BNIP5: variants seen among roughly 807,000 people sequenced by gnomAD.
BNIP5 encodes BCL2 interacting protein 5, also known as protein BNIP5.
BNIP5 carries 61 observed loss-of-function variants against 67.3 expected under a neutral mutation model. The ratio of observed to expected loss-of-function variants is 0.91; its 90% confidence interval spans 0.74 to 1.12. The LOEUF (loss-of-function observed/expected upper bound fraction) is 1.12, where lower values mean the gene tolerates loss of function less well. BNIP5 is among the 50% of genes most tolerant of loss of function. The pLI is 0.00. For missense variants in BNIP5, 826 were observed against 816.3 expected (o/e 1.01, Z -0.14); for synonymous variants, 317 against 319.0 (o/e 0.99, Z 0.07).
chr6:36,331,797 T>G (rs1257320485), intron 1 of BNIP5, among the ~76,000 whole-genome samples: 3 of 152,198 alleles, frequency 2.0e-5, no homozygotes, highest in Admixed American at 6.5e-5. Context: ...CTCAAAGTGC[T>G]GGGATTACAG....
chr6:36,325,253 G>C, intron 6 of BNIP5, 30 bp downstream of exon 6: 2 of 1,612,014 alleles, frequency 1.2e-6, no homozygotes, highest in South Asian at 2.2e-5. Context: ...TTTTGCAAGG[G>C]GTGTCTGAGA....
At chr6:36,329,884 G>A (rs763945867) in intron 2 of BNIP5, among the ~76,000 whole-genome samples, 197 bp downstream of exon 2, 1 of 149,156 alleles carries the variant, frequency 6.7e-6, no homozygotes, top group Admixed American at 6.6e-5. Flanking sequence ...AAAGAAGAAG[G>A]AGGAGGAGGA....
At chr6:36,334,402 C>G (rs559666718) in intron 1 of BNIP5, among the ~76,000 whole-genome samples, 1 of 152,306 alleles carries the variant, frequency 6.6e-6, no homozygotes, top group Admixed American at 6.5e-5. Context: ...GTGGCCTCTT[C>G]CCATGTCTTG....
At chr6:36,318,484 G>C (rs549945360) in intron 11 of BNIP5, among the ~76,000 whole-genome samples, 233 of 151,820 alleles carry the variant, frequency 1.5e-3, no homozygotes, top group Non-Finnish European at 2.8e-3. Flanking sequence ...AAGGTGGGAA[G>C]ATTTCTTGTG....
At position 36,323,633 on chromosome 6, in the gene BNIP5, C is replaced by T. The variant is rs555168211; in HGVS notation, c.1231-100G>A. On this transcript the variant is annotated intron_variant, in intron 7 of 11. Coordinates refer to ENST00000437635, the MANE Select transcript of BNIP5 (RefSeq NM_001010903.5). ...GCCACGGTGGGCTAGCAGGCGTTGC[C>T]CAGAGAAGAGTGGTTGATGCTCAGT... is the stretch of plus-strand genomic sequence containing the variant. 21 of 1,380,966 alleles carry T rather than the reference C, an allele frequency of 1.5e-5. No homozygotes were observed. In the East Asian group the frequency reaches 4.8e-4, roughly 32 times the overall value. 85.5% of individuals were successfully genotyped at this position (1,380,966 alleles called of 1,614,324 possible). A position where few individuals can be genotyped will look rare whatever the true frequency, so the allele number is the denominator to read the frequency against.
Position 36,321,158 on chromosome 6 carries a change from C to T in BNIP5, c.1665G>A (p.Gln555=). The T allele has an allele frequency of 1.9e-6, 3 of 1,585,818 alleles. No homozygotes were observed. Among genetic ancestry groups the T allele is most frequent in the Non-Finnish European group, 2.6e-6 (3 of 1,165,032 alleles). The change falls in exon 10 of 12, where the codon CAG becomes CAA. Residue 555 remains glutamine (Q), a synonymous_variant. Transcript: ENST00000437635. ...LLQEVDGQLG[Q]QIRRHPSFKR... ...GGGAGGGCTGAGTGGTACTCACCTG[C>T]TGCCCCAGTTGGCCATCCACTTCTT...
Position 36,324,141 on chromosome 6 carries a change from C to A in BNIP5, c.1218G>T (p.Gln406His), listed in dbSNP as rs1389045544. The change falls in exon 7 of 12, where the codon CAG becomes CAT. Residue 406 changes from glutamine (Q) to histidine (H), a missense_variant. Gln to His is a conservative substitution (Grantham distance 24). Coordinates refer to ENST00000437635, the MANE Select transcript of BNIP5 (RefSeq NM_001010903.5). Reference sequence around the variant, plus strand: ...GCGTCTTCCTCACCTCCTCTCCTTGCTGTTCTTCTGCATCTTGGAGCATGG... The same window carrying A: ...GCGTCTTCCTCACCTCCTCTCCTTGATGTTCTTCTGCATCTTGGAGCATGG... ...IISMLQDAEEQQGEEQPQVQQ... is the reference protein window; with the variant it reads ...IISMLQDAEEHQGEEQPQVQQ... 1 of 1,613,952 alleles carries A rather than the reference C, an allele frequency of 6.2e-7. No individual in the cohort carries two copies. The highest frequency in any genetic ancestry group is 1.7e-5 in the Admixed American group (1 of 60,028).
At chr6:36,322,216 C>T (rs768702654) in intron 9 of BNIP5, 95 bp downstream of exon 9, 80 of 1,508,160 alleles carry the variant, frequency 5.3e-5, no homozygotes, top group Admixed American at 1.3e-4. Context: ...CTTCCCCATT[C>T]CTTCCTCAGA....
At position 36,336,820 on chromosome 6, in the gene BNIP5, G is replaced by A. The variant is rs1293348328; in HGVS notation, c.-113C>T. On this transcript the variant is annotated 5_prime_UTR_variant, in exon 1 of 12. Transcript: ENST00000437635. ...CTGTCAGCTGGAAGTTGTGTCCAGT[G>A]AGAAGTCAGACCCAGCTCTCCCAGG... The A allele has an allele frequency of 1.3e-5, 2 of 152,280 alleles. No homozygotes were observed. The highest frequency in any genetic ancestry group is 4.8e-5 in the African/African-American group (2 of 41,444). The allele number at this position is 152,280 out of a possible 1,614,324, so 9.4% of individuals were successfully genotyped here.
Position 36,323,335 on chromosome 6 carries a change from G to A in BNIP5, c.1429C>T (p.Leu477=). The change falls in exon 8 of 12, where the codon CTG becomes TTG. Residue 477 remains leucine, a synonymous_variant. Coordinates refer to ENST00000437635, the MANE Select transcript of BNIP5 (RefSeq NM_001010903.5). The part of the protein sequence containing the change: ...RRPKRPSFLP[L]CVGGHRPSTS... ...GAGGGCCGATGGCCACCAACACACA[G>A]GGGCAGAAAGCTGGGCCTCTTGGGT... is the stretch of plus-strand genomic sequence containing the variant. 1.9e-6 allele frequency: 3 copies of A among 1,614,262 alleles called. No homozygotes were observed. Among genetic ancestry groups the A allele is most frequent in the Non-Finnish European group, 2.5e-6 (3 of 1,180,052 alleles).
chr6:36,325,409 C>T lies in BNIP5; in HGVS notation c.1042G>A (p.Glu348Lys). 6.2e-7 allele frequency: 1 copy of T among 1,609,602 alleles called. No homozygotes were observed. Among genetic ancestry groups the T allele is most frequent in the Non-Finnish European group, 8.5e-7 (1 of 1,178,292 alleles). ...GGGGCCTCCTGGACTTTAGGTTCTTCCAAGCCTGAGAAGCAGAAGGAGAAC... is the reference window on the plus strand; with the variant it reads ...GGGGCCTCCTGGACTTTAGGTTCTTTCAAGCCTGAGAAGCAGAAGGAGAAC... ...RPSISSSYGL[E>K]EPKVQEAPST... The change falls in exon 6 of 12, where the codon GAA (glutamate) becomes AAA (lysine). Residue 348 changes from glutamate (E) to lysine (K), a missense_variant. Glu to Lys is a moderately conservative substitution (Grantham distance 56). Coordinates refer to ENST00000437635, the MANE Select transcript of BNIP5 (RefSeq NM_001010903.5).
At chr6:36,331,406 T>C (rs1771903932) in intron 1 of BNIP5, among the ~76,000 whole-genome samples, 1 of 152,158 alleles carries the variant, frequency 6.6e-6, no homozygotes, top group African/African-American at 2.4e-5. Flanking sequence ...ATTCATCTTG[T>C]CCAAAGCCAC....
intron 1 of BNIP5, among the ~76,000 whole-genome samples, chr6:36,334,410 T>A (rs1195795557): frequency 1.3e-5 from 2 of 152,182 alleles, no homozygotes; most frequent in African/African-American, 4.8e-5. Context: ...TTCCCATGTC[T>A]TGTCCTCCCT....
At position 36,330,219 on chromosome 6, in the gene BNIP5, T is replaced by C; in HGVS notation, c.472A>G (p.Lys158Glu). The C allele has an allele frequency of 6.2e-7, 1 of 1,614,096 alleles. No individual in the cohort carries two copies. Among genetic ancestry groups the C allele is most frequent in the Non-Finnish European group, 8.5e-7 (1 of 1,180,014 alleles). ...GCCGCGTGTTTCTTGTGACCTTGCT[T>C]CTTGCGGCTGGGCTTCTTGTCGTGG... ...AHHDKKPSRKKQGHKKHAAEV... is the reference protein window; with the variant it reads ...AHHDKKPSRKEQGHKKHAAEV... Residue 158 changes from lysine (K) to glutamate (E), a missense_variant, in exon 2 of 12, where the codon AAG (lysine) becomes GAG (glutamate). Transcript: ENST00000437635.
Position 36,317,199 on chromosome 6 carries a change from G to A in BNIP5, c.*157C>T. 1 of 702,882 alleles carries A rather than the reference G, an allele frequency of 1.4e-6. No homozygotes were observed. The highest frequency in any genetic ancestry group is 2.6e-5 in the East Asian group (1 of 38,112). The allele number at this position is 702,882 out of a possible 1,614,324, so 43.5% of individuals were successfully genotyped here. A position where few individuals can be genotyped will look rare whatever the true frequency, so the allele number is the denominator to read the frequency against. On this transcript the variant is annotated 3_prime_UTR_variant, in exon 12 of 12. Coordinates refer to ENST00000437635, the MANE Select transcript of BNIP5 (RefSeq NM_001010903.5). ...GTGGAAGAATGCTCTGTGCTTCTCA[G>A]ATACTAGGGTATGGACACAGAATGA... is the stretch of plus-strand genomic sequence containing the variant.
Position 36,325,267 on chromosome 6 carries a change from A to G in BNIP5, c.1168+16T>C. On this transcript the variant is annotated intron_variant, in intron 6 of 11. Coordinates refer to ENST00000437635, the MANE Select transcript of BNIP5 (RefSeq NM_001010903.5). ...GTTTTGCAAGGGGTGTCTGAGAAAA[A>G]GAGAGGAGTACTGACTGTATTCCGA... 2 of 1,613,574 alleles carry G rather than the reference A, an allele frequency of 1.2e-6. No individual in the cohort carries two copies. The highest frequency in any genetic ancestry group is 1.7e-6 in the Non-Finnish European group (2 of 1,179,740).
rs947306316 is a variant in BNIP5 at position 36,333,469 on chromosome 6, C to T, written c.-4-2775G>A. ...TATGGTTGTGTTTCCAAAGACGATG[C>T]AGGGTAGGACAAGGAGAAGAGATCA... On this transcript the variant is annotated intron_variant, in intron 1 of 11. Transcript: ENST00000437635. Among the ~76,000 whole-genome samples the T allele has an allele frequency of 4.6e-5, 7 of 152,318 alleles. No homozygotes were observed. The East Asian group carries it at 1.4e-3, about 29-fold the overall frequency.
Position 36,319,520 on chromosome 6 carries a change from C to G in BNIP5, c.1759G>C (p.Ala587Pro). 6.2e-7 allele frequency: 1 copy of G among 1,614,144 alleles called. No individual in the cohort carries two copies. The highest frequency in any genetic ancestry group is 8.5e-7 in the Non-Finnish European group (1 of 1,180,012). Residue 587 changes from alanine to proline, a missense_variant, in exon 11 of 12, where the codon GCT becomes CCT. Transcript: ENST00000437635. ...KLVATLRSQVAHSSKLDRNRA... is the reference protein window; with the variant it reads ...KLVATLRSQVPHSSKLDRNRA... ...TTCCTGTCCAGCTTAGAGGAGTGAG[C>G]CACCTGGCTGCGCAGGGTGGCTACC...
chr6:36,317,511 C>A, intron 11 of BNIP5, 120 bp from the exon 12 acceptor site: 1 of 854,182 alleles, frequency 1.2e-6, no homozygotes, highest in South Asian at 1.4e-5. Context: ...ATCTCTGGGT[C>A]TTTGTTCTTG....
Sources: allele counts gnomAD v4.1 joint callset (sites outside exome capture counted in the v4.1 genomes callset), GRCh38; gene constraint gnomAD v4.1.1; transcripts MANE v1.5; gene names NCBI Gene and HGNC (gene_info 2026-07-23, HGNC 2026-07-21).